Variants in RFX3 observed in about 807,000 individuals in gnomAD.
The protein encoded by RFX3 is regulatory factor X3.
RFX3 carries 14 observed loss-of-function variants against 98.6 expected under a neutral mutation model. That is an observed-to-expected ratio of 0.14 (90% CI 0.09 to 0.22). The LOEUF is 0.22. Among genes scored for constraint, RFX3 ranks in the 10% least tolerant of loss-of-function variants. RFX3 has a pLI of 1.00. For synonymous variants in RFX3, 383 were observed against 328.4 expected (o/e 1.17, Z -1.80); for missense variants, 639 against 926.9 (o/e 0.69, Z 4.03).
At chr9:3,399,610 G>C (rs1841273959) in intron 1 of RFX3, among the ~76,000 whole-genome samples, 1 of 152,032 alleles carries the variant, frequency 6.6e-6, no homozygotes, top group African/African-American at 2.4e-5. Flanking sequence ...ACTCTTTTGA[G>C]GGTAATCAGA....
intron 1 of RFX3, among the ~76,000 whole-genome samples, chr9:3,502,604 TCAATTC>T (rs1487797959): frequency 6.6e-6 from 1 of 152,194 alleles, no homozygotes. Flanking sequence ...TATACAGTAT[TCAATTC>T]CAACTCTAAA....
intron 7 of RFX3, among the ~76,000 whole-genome samples, chr9:3,285,089 G>C (rs867801446): frequency 2.0e-4 from 30 of 151,572 alleles, no homozygotes; most frequent in African/African-American, 7.3e-4. Flanking sequence ...ATGTACAATT[G>C]AGCTCCAAAA....
At chr9:3,287,692 T>C (rs1336717660) in intron 7 of RFX3, among the ~76,000 whole-genome samples, 1 of 151,922 alleles carries the variant, frequency 6.6e-6, no homozygotes, top group Non-Finnish European at 1.5e-5. Flanking sequence ...TATCAGCAAT[T>C]CTGTATCTAT....
At chr9:3,483,699 G>C (rs908135676) in intron 1 of RFX3, among the ~76,000 whole-genome samples, 1 of 152,194 alleles carries the variant, frequency 6.6e-6, no homozygotes, top group Non-Finnish European at 1.5e-5. Flanking sequence ...ATCAGCAACT[G>C]TATCAGTTGA....
chr9:3,336,723 G>A (rs1002854960), intron 3 of RFX3, among the ~76,000 whole-genome samples: 6 of 152,110 alleles, frequency 3.9e-5, no homozygotes, highest in African/African-American at 1.2e-4. Context: ...TGCATGCAGT[G>A]TAAACAATTT....
At chr9:3,517,058 G>C (rs1361545663) in intron 1 of RFX3, among the ~76,000 whole-genome samples, 1 of 152,190 alleles carries the variant, frequency 6.6e-6, no homozygotes, top group Non-Finnish European at 1.5e-5. Flanking sequence ...CTTACCAGAA[G>C]AAACAATAAG....
At chr9:3,500,732 A>G (rs1175558638) in intron 1 of RFX3, among the ~76,000 whole-genome samples, 2 of 152,214 alleles carry the variant, frequency 1.3e-5, no homozygotes, top group African/African-American at 4.8e-5. Context: ...ACATACACAC[A>G]CACTAGTCAA....
intron 1 of RFX3, among the ~76,000 whole-genome samples, chr9:3,443,596 A>G (rs896053994): frequency 2.6e-5 from 4 of 152,110 alleles, no homozygotes; most frequent in Non-Finnish European, 4.4e-5. Context: ...TTCTTTATCC[A>G]GTCTATCATT....
At chr9:3,419,572 T>C (rs559079587) in intron 1 of RFX3, among the ~76,000 whole-genome samples, 1 of 152,188 alleles carries the variant, frequency 6.6e-6, no homozygotes, top group South Asian at 2.1e-4. Flanking sequence ...TATCAACTTA[T>C]CCTGCTGTAC....
At chr9:3,286,014 G>T (rs2131556026) in intron 7 of RFX3, among the ~76,000 whole-genome samples, 1 of 151,846 alleles carries the variant, frequency 6.6e-6, no homozygotes, top group Non-Finnish European at 1.5e-5. Context: ...AGAATTCCTG[G>T]CAGTTAAATC....
chr9:3,271,632 T>C (rs768919619), intron 9 of RFX3, among the ~76,000 whole-genome samples: 70 of 152,078 alleles, frequency 4.6e-4, no homozygotes, highest in Non-Finnish European at 8.5e-4. Flanking sequence ...CTACCTATTC[T>C]AAGACCTGGA....
chr9:3,332,727 G>GCCATGTTAT (rs1443748446), intron 3 of RFX3, among the ~76,000 whole-genome samples: 6 of 152,106 alleles, frequency 3.9e-5, no homozygotes, highest in African/African-American at 1.4e-4. Context: ...CTTGGTATTA[G>GCCATGTTAT]CCATGTTATC....
intron 14 of RFX3, among the ~76,000 whole-genome samples, chr9:3,255,619 A>C (rs190616448): frequency 6.6e-6 from 1 of 152,332 alleles, no homozygotes; most frequent in East Asian, 1.9e-4. Flanking sequence ...TTAAAAATAT[A>C]ATTTACCCAA....
chr9:3,255,634 T>C (rs1425637752), intron 14 of RFX3, among the ~76,000 whole-genome samples: 2 of 152,238 alleles, frequency 1.3e-5, no homozygotes, highest in Admixed American at 6.5e-5. Context: ...ACCCAACTTA[T>C]GGAAGAATTC....
At chr9:3,513,742 T>G (rs1817868197) in intron 1 of RFX3, among the ~76,000 whole-genome samples, 1 of 152,152 alleles carries the variant, frequency 6.6e-6, no homozygotes, top group Admixed American at 6.5e-5. Flanking sequence ...TCATTTGCAT[T>G]TCTATCAACC....
intron 1 of RFX3, among the ~76,000 whole-genome samples, chr9:3,451,707 G>A (rs780507180): frequency 2.6e-5 from 4 of 152,102 alleles, no homozygotes; most frequent in Non-Finnish European, 4.4e-5. Context: ...AGAGTAACCT[G>A]ATAGTGGATA....
chr9:3,249,688 G>A (rs1237908516), intron 14 of RFX3, among the ~76,000 whole-genome samples: 3 of 152,058 alleles, frequency 2.0e-5, no homozygotes, highest in East Asian at 1.9e-4. Context: ...GAATAAGCAC[G>A]GGTTTGAAGT....
chr9:3,331,151 A>G (rs562501539), intron 3 of RFX3, among the ~76,000 whole-genome samples: 14 of 152,226 alleles, frequency 9.2e-5, no homozygotes, highest in African/African-American at 3.1e-4. Context: ...CTTTCCAACA[A>G]CTACAGTCAA....
At chr9:3,513,626 CT>C (rs1381869827) in intron 1 of RFX3, among the ~76,000 whole-genome samples, 1 of 152,154 alleles carries the variant, frequency 6.6e-6, no homozygotes, top group Non-Finnish European at 1.5e-5. Context: ...GAAGTCTTTA[CT>C]TCAAAGTTTA....
Sources: allele counts gnomAD v4.1 joint callset (sites outside exome capture counted in the v4.1 genomes callset), GRCh38; gene constraint gnomAD v4.1.1; transcripts MANE v1.5; gene names NCBI Gene and HGNC (gene_info 2026-07-23, HGNC 2026-07-21).